Variants in PLD5 observed in about 807,000 individuals in gnomAD.
The protein encoded by PLD5 is inactive phospholipase D5.
Under a neutral mutation model 61.1 loss-of-function variants are expected in PLD5, and 36 were observed. The observed-to-expected ratio is 0.59, with a 90% CI of 0.45 to 0.78. The LOEUF (loss-of-function observed/expected upper bound fraction) is 0.78. PLD5 is among the 30% of genes least tolerant of loss of function. The pLI is 0.00. For missense variants in PLD5, 515 were observed against 644.4 expected, an observed-to-expected ratio of 0.80 and a Z score of 2.17; for synonymous variants, 243 against 242.8, an observed-to-expected ratio of 1.00 and a Z score of -0.01.
At chr1:242,121,976 G>T (rs1264957099) in intron 6 of PLD5, among the ~76,000 whole-genome samples, 2 of 151,926 alleles carry the variant, frequency 1.3e-5, no homozygotes, top group East Asian at 3.9e-4. Flanking sequence ...AGCATTAGGA[G>T]ATACACCTAA....
intron 1 of PLD5, among the ~76,000 whole-genome samples, chr1:242,396,412 G>A (rs1026436326): frequency 6.6e-6 from 1 of 152,064 alleles, no homozygotes; most frequent in Admixed American, 6.5e-5. Flanking sequence ...ACCCCACTTT[G>A]CCCTCCAGCT....
intron 4 of PLD5, among the ~76,000 whole-genome samples, chr1:242,243,609 T>C (rs421625): frequency 0.71 from 108,016 of 152,022 alleles, 39,753 homozygotes; most frequent in Non-Finnish European, 0.81. Context: ...GTCAACACAG[T>C]GCCTTCTAGT....
chr1:242,089,409 T>C lies in PLD5; in HGVS notation c.*445A>G. On this transcript the variant is annotated 3_prime_UTR_variant, in exon 10 of 10. Coordinates refer to ENST00000536534, the MANE Select transcript of PLD5 (RefSeq NM_001372062.1). The stretch of plus-strand genomic sequence containing the variant: ...GACTGTGTAGGTCTTGGAGACGATT[T>C]ACAAGAATAAACACTTGGTTTTATC... The C allele has an allele frequency of 2.5e-6, 1 of 401,788 alleles. No homozygotes were observed. The allele number at this position is 401,788 out of a possible 1,614,324, so 24.9% of individuals were successfully genotyped here. A position where few individuals can be genotyped will look rare whatever the true frequency, so the allele number is the denominator to read the frequency against.
chr1:242,377,966 A>C (rs1019268095), intron 1 of PLD5, among the ~76,000 whole-genome samples: 4 of 152,246 alleles, frequency 2.6e-5, no homozygotes, highest in Non-Finnish European at 4.4e-5. Context: ...GTGGTTTCTC[A>C]GAAAAATTTA....
At chr1:242,093,843 G>A (rs1461311785) in intron 9 of PLD5, among the ~76,000 whole-genome samples, 1 of 152,008 alleles carries the variant, frequency 6.6e-6, no homozygotes, top group Admixed American at 6.6e-5. Flanking sequence ...ATGGAGAGAG[G>A]TGACAAGATT....
chr1:242,499,910 TCA>T, intron 1 of PLD5, among the ~76,000 whole-genome samples: 1 of 152,122 alleles, frequency 6.6e-6, no homozygotes, highest in Middle Eastern at 3.2e-3. Flanking sequence ...GCCTTTTCAC[TCA>T]CATGTCCAGA....
chr1:242,458,139 G>A (rs954742722), intron 1 of PLD5, among the ~76,000 whole-genome samples: 9 of 152,056 alleles, frequency 5.9e-5, no homozygotes, highest in Non-Finnish European at 1.3e-4. Context: ...AAACCTCTGA[G>A]GCAAATCAAA....
intron 5 of PLD5, among the ~76,000 whole-genome samples, chr1:242,208,787 C>A (rs1391914693): frequency 6.6e-5 from 10 of 151,764 alleles, no homozygotes; most frequent in Non-Finnish European, 2.9e-5. Context: ...ACCTGTGCCC[C>A]AAGAGATGGC....
At chr1:242,485,874 C>G (rs1273018326) in intron 1 of PLD5, among the ~76,000 whole-genome samples, 1 of 151,840 alleles carries the variant, frequency 6.6e-6, no homozygotes, top group Non-Finnish European at 1.5e-5. Context: ...GAGATATAGA[C>G]CAATAGAACA....
chr1:242,100,706 C>T lies in PLD5; in HGVS notation c.1316G>A (p.Arg439His), dbSNP rs747669178. The T allele has an allele frequency of 3.5e-5, 56 of 1,613,592 alleles. No individual in the cohort carries two copies. Among genetic ancestry groups the T allele is most frequent in the Non-Finnish European group, 4.2e-5 (50 of 1,179,946 alleles). Reference protein sequence around the residue: ...QKNHTFPRLNRNKYMVTDGAA... With the variant: ...QKNHTFPRLNHNKYMVTDGAA... ...TCCATCTGTCACCATGTACTTGTTG[C>T]GATTTAACCTAGGAAAGGTGTGATT... is the stretch of plus-strand genomic sequence containing the variant. The change falls in exon 9 of 10, where the codon CGC becomes CAC. Residue 439 changes from arginine to histidine, a missense_variant. Arg to His is a conservative substitution (Grantham distance 29). Transcript: ENST00000536534.
chr1:242,154,769 C>A (rs896997984), intron 5 of PLD5, among the ~76,000 whole-genome samples: 1 of 152,094 alleles, frequency 6.6e-6, no homozygotes, highest in Non-Finnish European at 1.5e-5. Context: ...AGGATTTTCA[C>A]CTCGATGTTC....
At chr1:242,281,291 A>C (rs1674705862) in intron 3 of PLD5, among the ~76,000 whole-genome samples, 1 of 152,182 alleles carries the variant, frequency 6.6e-6, no homozygotes, top group Non-Finnish European at 1.5e-5. Context: ...GTTAGGAAGA[A>C]TATTGCAGAA....
intron 1 of PLD5, among the ~76,000 whole-genome samples, chr1:242,404,351 C>A (rs1203259071): frequency 6.6e-6 from 1 of 152,028 alleles, no homozygotes; most frequent in Non-Finnish European, 1.5e-5. Flanking sequence ...GAGGATTAAC[C>A]CATGAGATAA....
intron 5 of PLD5, among the ~76,000 whole-genome samples, chr1:242,200,225 C>G (rs533494943): frequency 7.1e-4 from 108 of 152,186 alleles, no homozygotes; most frequent in Non-Finnish European, 1.3e-3. Flanking sequence ...TACAGGAATA[C>G]CTGAATTCCA....
intron 9 of PLD5, among the ~76,000 whole-genome samples, chr1:242,093,998 G>A (rs1457268720): frequency 1.3e-5 from 2 of 151,946 alleles, no homozygotes; most frequent in Admixed American, 6.6e-5. Context: ...TCCACAGGCC[G>A]ATAAAGGAAT....
chr1:242,303,975 G>C (rs112443344), intron 2 of PLD5, among the ~76,000 whole-genome samples: 2 of 152,124 alleles, frequency 1.3e-5, no homozygotes, highest in Admixed American at 6.5e-5. Context: ...CATGGGCTCT[G>C]TCAAATTGAC....
the PLD5 span, among the ~76,000 whole-genome samples, chr1:242,530,339 C>A: frequency 6.6e-6 from 1 of 152,232 alleles, no homozygotes; most frequent in African/African-American, 2.4e-5. Flanking sequence ...TTTGGCCTTG[C>A]AGTAGAGCCT....
At position 242,380,351 on chromosome 1, in the gene PLD5, C is replaced by T. The variant is rs79858703; in HGVS notation, c.190-32109G>A. ...ATAGCTATTGTGTTACTTTATGGCA[C>T]GACAAGGTGTTCCAGGCACACCTCA... On this transcript the variant is annotated intron_variant, in intron 1 of 9. Coordinates refer to ENST00000536534, the MANE Select transcript of PLD5 (RefSeq NM_001372062.1). Among the ~76,000 whole-genome samples the T allele has an allele frequency of 5.8e-4, 88 of 152,244 alleles. 1 individual carries two copies. Among genetic ancestry groups the T allele is most frequent in the Middle Eastern group, 3.4e-3 (1 of 294 alleles).
intron 1 of PLD5, among the ~76,000 whole-genome samples, chr1:242,460,170 T>C (rs1210773597): frequency 6.6e-6 from 1 of 152,192 alleles, no homozygotes; most frequent in African/African-American, 2.4e-5. Flanking sequence ...TAAAATGTTA[T>C]GTTAAAGAAT....
Sources: gnomAD v4.1 joint callset for allele counts (sites outside exome capture counted in the v4.1 genomes callset) on GRCh38, gnomAD v4.1.1 for gene constraint, MANE v1.5 for transcripts, NCBI Gene and HGNC (gene_info 2026-07-23, HGNC 2026-07-21) for gene names.